Variants in HECW2 observed in about 807,000 individuals in gnomAD.
The protein encoded by HECW2 is E3 ubiquitin-protein ligase HECW2.
A neutral mutation model predicts 175.2 loss-of-function variants in HECW2; 61 were observed. The observed-to-expected ratio is 0.35, with a 90% CI of 0.28 to 0.43. The LOEUF (loss-of-function observed/expected upper bound fraction) is 0.43, where lower values mean the gene tolerates loss of function less well. HECW2 is among the 20% of genes least tolerant of loss of function. The pLI, the probability that HECW2 is intolerant of heterozygous loss-of-function variation, is 1.00. For synonymous variants in HECW2, 671 were observed against 731.0 expected (o/e 0.92, Z 1.32); for missense variants, 1,524 against 2,000.5 (o/e 0.76, Z 4.54).
intron 2 of HECW2, among the ~76,000 whole-genome samples, chr2:196,427,053 A>G (rs1695568372): frequency 6.6e-6 from 1 of 152,186 alleles, no homozygotes; most frequent in Non-Finnish European, 1.5e-5. Flanking sequence ...TGGTCCAGAG[A>G]AATGCTGGTA....
Position 196,217,042 on chromosome 2 carries a change from C to T in HECW2, c.4460G>A (p.Arg1487Lys). Residue 1487 changes from arginine (R) to lysine (K), a missense_variant, in exon 27 of 29, where the codon AGA (arginine) becomes AAA (lysine). Arg to Lys is a conservative substitution (Grantham distance 26). Around this residue, in one of 11 missense-constraint regions of HECW2, gnomAD observed 134 missense variants for 287.8 expected, o/e 0.47. Coordinates refer to ENST00000644978, the MANE Select transcript of HECW2 (RefSeq NM_001348768.2). ...CCTTAGTCGTTGTTCATTGTTGAAT[C>T]TTTCCACTGCAGCCCAGAACCACCG... ...VIRWFWAAVERFNNEQRLRLL... is the reference protein window; with the variant it reads ...VIRWFWAAVEKFNNEQRLRLL... The T allele has an allele frequency of 1.9e-6, 3 of 1,549,200 alleles. No individual in the cohort carries two copies. The highest frequency in any genetic ancestry group is 1.7e-6 in the Non-Finnish European group (2 of 1,156,650).
intron 1 of HECW2, among the ~76,000 whole-genome samples, chr2:196,540,189 A>C (rs1394577162): frequency 6.6e-6 from 1 of 152,202 alleles, no homozygotes; most frequent in African/African-American, 2.4e-5. Flanking sequence ...CTTTTCCTTC[A>C]ATACAATTTT....
At position 196,256,763 on chromosome 2, in the gene HECW2, G is replaced by A. The variant is rs564619274; in HGVS notation, c.3419+1060C>T. Reference sequence around the variant, plus strand: ...TGACCACCTAGCATACTATATGCTGGTTTCACAACTGGCTCAATACCACAG... The same window carrying A: ...TGACCACCTAGCATACTATATGCTGATTTCACAACTGGCTCAATACCACAG... On this transcript the variant is annotated intron_variant, in intron 18 of 28. Transcript: ENST00000644978. 6.6e-5 allele frequency among the ~76,000 whole-genome samples: 10 copies of A among 152,294 alleles called. No individual in the cohort carries two copies. In the East Asian group the frequency reaches 1.9e-3, roughly 29 times the overall value.
chr2:196,509,639 G>C (rs924912621), intron 1 of HECW2, among the ~76,000 whole-genome samples: 3 of 152,188 alleles, frequency 2.0e-5, no homozygotes, highest in African/African-American at 7.2e-5. Flanking sequence ...GACCAAATAT[G>C]AAACTCACAG....
intron 2 of HECW2, among the ~76,000 whole-genome samples, chr2:196,432,022 T>C (rs1461822025): frequency 2.0e-5 from 3 of 152,238 alleles, no homozygotes; most frequent in African/African-American, 7.2e-5. Context: ...TCAACAGTGG[T>C]GCTATTGGCA....
At chr2:196,338,698 T>C (rs1196686415) in intron 3 of HECW2, among the ~76,000 whole-genome samples, 1 of 152,214 alleles carries the variant, frequency 6.6e-6, no homozygotes, top group Admixed American at 6.5e-5. Flanking sequence ...AGAAGTTGAA[T>C]ATTTGAAGCA....
intron 15 of HECW2, among the ~76,000 whole-genome samples, chr2:196,278,316 C>T (rs1690054728): frequency 6.7e-6 from 1 of 148,250 alleles, no homozygotes. Context: ...TCAGTTTTGC[C>T]TCATATATCC....
intron 1 of HECW2, among the ~76,000 whole-genome samples, chr2:196,561,126 C>A (rs1225022952): frequency 3.3e-5 from 5 of 152,184 alleles, no homozygotes; most frequent in South Asian, 2.1e-4. Flanking sequence ...TCGCTGAATT[C>A]TTTCCCCAGT....
intron 28 of HECW2, among the ~76,000 whole-genome samples, chr2:196,206,460 G>T (rs1575218268): frequency 6.6e-6 from 1 of 152,184 alleles, no homozygotes; most frequent in Admixed American, 6.5e-5. Context: ...TGAGCCAAAA[G>T]TATCAGTTAC....
Position 196,423,974 on chromosome 2 carries a change from T to G in HECW2, c.292+9158A>C, listed in dbSNP as rs193247340. 9.3e-4 allele frequency among the ~76,000 whole-genome samples: 132 copies of G among 142,648 alleles called. 1 individual carries two copies. The highest frequency in any genetic ancestry group is 3.9e-3 in the African/African-American group (127 of 32,736). The allele number at this position is 142,648 out of a possible 152,430, so 93.6% of individuals were successfully genotyped here. A position where few individuals can be genotyped will look rare whatever the true frequency, so the allele number is the denominator to read the frequency against. ...TTTATTGCACTTCACAGATAATGTG[T>G]TTTTTTTACAAATAGAAGGTGTGTG... On this transcript the variant is annotated intron_variant, in intron 2 of 28. Coordinates refer to ENST00000644978, the MANE Select transcript of HECW2 (RefSeq NM_001348768.2).
Position 196,351,338 on chromosome 2 carries a change from T to C in HECW2, c.293-7574A>G, listed in dbSNP as rs1693164504. 4.6e-5 allele frequency among the ~76,000 whole-genome samples: 7 copies of C among 152,180 alleles called. No homozygotes were observed. In the South Asian group the frequency reaches 1.4e-3, roughly 31 times the overall value. ...TTAATTTTTTTCCTGTACATGATTC[T>C]TGGATTTCCAGAAAATTATCCTTTT... On this transcript the variant is annotated intron_variant, in intron 2 of 28. Transcript: ENST00000644978.
At chr2:196,508,579 G>GGT (rs1428759653) in intron 1 of HECW2, among the ~76,000 whole-genome samples, 1 of 152,122 alleles carries the variant, frequency 6.6e-6, no homozygotes, top group African/African-American at 2.4e-5. Context: ...ACAGTATTTT[G>GGT]GTTCTTTAGC....
chr2:196,540,471 C>T (rs1233828877), intron 1 of HECW2, among the ~76,000 whole-genome samples: 1 of 152,038 alleles, frequency 6.6e-6, no homozygotes, highest in Non-Finnish European at 1.5e-5. Context: ...CAGGTTCTCA[C>T]TCTGTCACCT....
At chr2:196,471,727 A>G (rs886275537) in intron 1 of HECW2, among the ~76,000 whole-genome samples, 8 of 152,306 alleles carry the variant, frequency 5.3e-5, no homozygotes, top group South Asian at 2.1e-4. Flanking sequence ...AGAAAACCAA[A>G]TACTACATGT....
At chr2:196,325,180 A>G (rs1449780255) in intron 5 of HECW2, 31 bp from the exon 6 acceptor site, 1 of 1,517,746 alleles carries the variant, frequency 6.6e-7, no homozygotes, top group Non-Finnish European at 8.9e-7. Flanking sequence ...GGAGGGAGGG[A>G]CAAAGAGAAA....
intron 1 of HECW2, among the ~76,000 whole-genome samples, chr2:196,569,000 T>A (rs1301334058): frequency 3.9e-5 from 6 of 152,200 alleles, no homozygotes; most frequent in Non-Finnish European, 7.3e-5. Flanking sequence ...TTACTTTCAG[T>A]GCAGTATTCA....
chr2:196,240,590 T>C (rs1487726368), intron 20 of HECW2, 28 bp from the exon 21 acceptor site: 2 of 1,537,168 alleles, frequency 1.3e-6, no homozygotes, highest in Non-Finnish European at 1.8e-6. Context: ...ATTTAGAAAA[T>C]ACAAATTATT....
In HECW2 at chr2:196,584,061, G is replaced by C. The variant is rs559295650; in HGVS notation, c.-36+9447C>G. 3.9e-5 allele frequency among the ~76,000 whole-genome samples: 6 copies of C among 152,234 alleles called. No homozygotes were observed. The South Asian group carries it at 1.2e-3, about 32-fold the overall frequency. On this transcript the variant is annotated intron_variant, in intron 1 of 28. Coordinates refer to ENST00000644978, the MANE Select transcript of HECW2 (RefSeq NM_001348768.2). Reference sequence around the variant, plus strand: ...ACCCTTACTCTTACTGTCAATCACTGACAAGGGAAACTACACTGAATTCCA... The same window carrying C: ...ACCCTTACTCTTACTGTCAATCACTCACAAGGGAAACTACACTGAATTCCA...
chr2:196,578,583 C>T (rs1342446420), intron 1 of HECW2, among the ~76,000 whole-genome samples: 1 of 151,966 alleles, frequency 6.6e-6, no homozygotes, highest in Non-Finnish European at 1.5e-5. Context: ...AATGTCAAAA[C>T]ACAAAGAGAG....
Sources: gnomAD v4.1 joint callset for allele counts (sites outside exome capture counted in the v4.1 genomes callset) on GRCh38, gnomAD v4.1.1 for gene constraint, gnomAD v4.1.1 regional missense constraint, MANE v1.5 for transcripts, NCBI Gene and HGNC (gene_info 2026-07-23, HGNC 2026-07-21) for gene names.